The following LYPD6B variants were observed in gnomAD, a reference collection of about 807,000 sequenced individuals.
LYPD6B encodes LY6/PLAUR domain containing 6B.
LYPD6B carries 17 observed loss-of-function variants against 22.8 expected under a neutral mutation model. The observed-to-expected ratio is 0.75, with a 90% CI of 0.51 to 1.12. The LOEUF is 1.12. LYPD6B is among the 50% of genes most tolerant of loss of function. LYPD6B has a pLI of 0.00. For synonymous variants in LYPD6B, 106 were observed against 91.6 expected, an observed-to-expected ratio of 1.16 and a Z score of -0.90; for missense variants, 221 against 258.3, an observed-to-expected ratio of 0.86 and a Z score of 0.99.
chr2:149,079,512 C>T (rs1226961745), intron 1 of LYPD6B, among the ~76,000 whole-genome samples: 1 of 152,140 alleles, frequency 6.6e-6, no homozygotes, highest in African/African-American at 2.4e-5. Context: ...TTTTGGAAGA[C>T]AGTGTAGATT....
At chr2:149,096,924 A>T (rs1375002694) in intron 1 of LYPD6B, among the ~76,000 whole-genome samples, 1 of 152,294 alleles carries the variant, frequency 6.6e-6, no homozygotes, top group East Asian at 1.9e-4. Flanking sequence ...TTAAAACTCC[A>T]GTTGTTTTTA....
At chr2:149,107,031 AAAGTTT>A (rs1449493893) in intron 1 of LYPD6B, among the ~76,000 whole-genome samples, 1 of 152,184 alleles carries the variant, frequency 6.6e-6, no homozygotes, top group African/African-American at 2.4e-5. Flanking sequence ...CACCTATGAT[AAAGTTT>A]AAGTTATAAT....
chr2:149,067,932 T>G (rs1194157777), intron 1 of LYPD6B, among the ~76,000 whole-genome samples: 2 of 152,152 alleles, frequency 1.3e-5, no homozygotes, highest in East Asian at 3.8e-4. Context: ...GTGACCACCC[T>G]CCTCTCAAAC....
intron 1 of LYPD6B, among the ~76,000 whole-genome samples, chr2:149,108,359 A>G (rs1686583369): frequency 1.3e-5 from 2 of 152,188 alleles, no homozygotes; most frequent in Non-Finnish European, 2.9e-5. Context: ...TTGCAGTTCA[A>G]TGAGTTTTTG....
At chr2:149,185,861 T>A (rs1006274403) in intron 3 of LYPD6B, among the ~76,000 whole-genome samples, 8 of 152,188 alleles carry the variant, frequency 5.3e-5, no homozygotes, top group Non-Finnish European at 1.2e-4. Context: ...TGATTAGTGA[T>A]CTTTGATGTT....
intron 1 of LYPD6B, among the ~76,000 whole-genome samples, chr2:149,040,092 G>A (rs564965249): frequency 1.3e-5 from 2 of 152,176 alleles, no homozygotes; most frequent in African/African-American, 4.8e-5. Flanking sequence ...TAGTATGGAC[G>A]ATAAATAGGA....
In LYPD6B at chr2:149,077,847, A is replaced by G. The variant is rs16826478; in HGVS notation, c.-67+39046A>G. 5.3e-3 allele frequency among the ~76,000 whole-genome samples: 801 copies of G among 152,286 alleles called. 5 individuals are homozygous for G. Among genetic ancestry groups the G allele is most frequent in the African/African-American group, 0.018 (753 of 41,564 alleles). ...AATCACACTGGCATCTATTCTTCCA[A>G]TTTGTCATTTGGCTGAAAGTGATCT... On this transcript the variant is annotated intron_variant, in intron 1 of 6. Transcript: ENST00000409642.
At chr2:149,194,442 G>A (rs1692677769) in intron 3 of LYPD6B, among the ~76,000 whole-genome samples, 1 of 152,198 alleles carries the variant, frequency 6.6e-6, no homozygotes, top group South Asian at 2.1e-4. Flanking sequence ...AGTTAATAAA[G>A]GGACTGTTTA....
intron 3 of LYPD6B, among the ~76,000 whole-genome samples, chr2:149,186,636 A>ACT (rs1300612391): frequency 6.6e-6 from 1 of 151,998 alleles, no homozygotes; most frequent in Non-Finnish European, 1.5e-5. Context: ...AAAAAGTCTC[A>ACT]CTCTGTCACT....
intron 4 of LYPD6B, among the ~76,000 whole-genome samples, chr2:149,207,576 C>G (rs1237244155): frequency 6.6e-6 from 1 of 151,710 alleles, no homozygotes; most frequent in Non-Finnish European, 1.5e-5. Flanking sequence ...ACCAGCAACT[C>G]AGAAATTCTT....
rs371272978 is a variant in LYPD6B at position 149,205,278 on chromosome 2, C to T, written c.103C>T (p.His35Tyr). ...ATATAAGAGTTCGGACCGCCCAGCA[C>T]ACAAGGTCAGCATGCTGCTCCTCTG... ...SRYKSSDRPA[H>Y]KVSMLLLCHA... The change falls in exon 4 of 7, where the codon CAC becomes TAC. Residue 35 changes from histidine (H) to tyrosine (Y), a missense_variant. Transcript: ENST00000409642. The T allele has an allele frequency of 5.2e-5, 84 of 1,613,708 alleles. No individual in the cohort carries two copies. The highest frequency in any genetic ancestry group is 6.5e-5 in the Non-Finnish European group (77 of 1,179,810).
chr2:149,047,846 T>G (rs1000957181), intron 1 of LYPD6B, among the ~76,000 whole-genome samples: 1 of 152,192 alleles, frequency 6.6e-6, no homozygotes, highest in African/African-American at 2.4e-5. Context: ...CTTATTTAGT[T>G]TGGGTAATTT....
chr2:149,208,606 T>C (rs781124604), intron 5 of LYPD6B, among the ~76,000 whole-genome samples, 194 bp downstream of exon 5: 7 of 152,208 alleles, frequency 4.6e-5, no homozygotes, highest in Non-Finnish European at 1.0e-4. Flanking sequence ...ATTTCTTAAA[T>C]GTTATTTACC....
chr2:149,183,201 T>G (rs987237683), intron 3 of LYPD6B, among the ~76,000 whole-genome samples: 1 of 152,162 alleles, frequency 6.6e-6, no homozygotes, highest in Non-Finnish European at 1.5e-5. Flanking sequence ...GAAGTAAACT[T>G]TGTTGGAAGG....
intron 3 of LYPD6B, among the ~76,000 whole-genome samples, chr2:149,171,093 C>G (rs756375022): frequency 5.3e-5 from 8 of 152,166 alleles, no homozygotes; most frequent in Non-Finnish European, 1.0e-4. Context: ...GAGATAGGAC[C>G]TGGTTGCAGG....
At chr2:149,134,201 G>A (rs1688212413) in intron 2 of LYPD6B, among the ~76,000 whole-genome samples, 1 of 152,116 alleles carries the variant, frequency 6.6e-6, no homozygotes, top group Non-Finnish European at 1.5e-5. Flanking sequence ...TAGTGGGATG[G>A]AGTCAGCTTA....
chr2:149,053,860 G>A (rs1247990314), intron 1 of LYPD6B, among the ~76,000 whole-genome samples: 1 of 152,146 alleles, frequency 6.6e-6, no homozygotes, highest in Non-Finnish European at 1.5e-5. Flanking sequence ...CTTGTGTCTG[G>A]TTTCTTTCAC....
chr2:149,101,138 G>C (rs1161979639), intron 1 of LYPD6B: 1 of 152,232 alleles, frequency 6.6e-6, no homozygotes, highest in East Asian at 1.9e-4. Context: ...TCCAAATTCA[G>C]CTGATTACTC....
chr2:149,174,934 CTAAGA>C (rs779838440), intron 3 of LYPD6B, among the ~76,000 whole-genome samples: 1 of 150,938 alleles, frequency 6.6e-6, no homozygotes, highest in Non-Finnish European at 1.5e-5. Flanking sequence ...ACCCCTGAAC[CTAAGA>C]TAAGAGTTGG....
Sources: gnomAD v4.1 joint callset for allele counts (sites outside exome capture counted in the v4.1 genomes callset) on GRCh38, gnomAD v4.1.1 for gene constraint, MANE v1.5 for transcripts, NCBI Gene and HGNC (gene_info 2026-07-23, HGNC 2026-07-21) for gene names.